TLL1: variants seen among roughly 807,000 people sequenced by gnomAD.
TLL1 encodes the protein tolloid-like protein 1.
Under a neutral mutation model 128.2 loss-of-function variants are expected in TLL1, and 49 were observed. The ratio of observed to expected loss-of-function variants is 0.38; its 90% CI spans 0.30 to 0.48. The LOEUF is 0.48. TLL1 is among the 20% of genes least tolerant of loss of function. The pLI is 0.96. For synonymous variants in TLL1, 454 were observed against 418.8 expected (o/e 1.08, Z -1.03); for missense variants, 1,123 against 1,242.0 (o/e 0.90, Z 1.44).
chr4:166,043,719 G>T (rs1727643919), intron 12 of TLL1, among the ~76,000 whole-genome samples: 1 of 152,090 alleles, frequency 6.6e-6, no homozygotes, highest in South Asian at 2.1e-4. Context: ...TTTCACAAGA[G>T]TGTCCATTAA....
intron 1 of TLL1, among the ~76,000 whole-genome samples, chr4:165,914,131 G>A (rs1039453839): frequency 1.3e-5 from 2 of 152,038 alleles, no homozygotes; most frequent in African/African-American, 4.8e-5. Flanking sequence ...CTCTTTTCAG[G>A]AACGCTTACC....
intron 7 of TLL1, among the ~76,000 whole-genome samples, chr4:166,012,264 G>A (rs536199230): frequency 4.6e-5 from 7 of 151,668 alleles, no homozygotes. Flanking sequence ...AGGAGGTTCA[G>A]TAAGATTTTG....
At chr4:166,062,993 T>C (rs1489357334) in intron 15 of TLL1, among the ~76,000 whole-genome samples, 4 of 152,196 alleles carry the variant, frequency 2.6e-5, no homozygotes, top group Non-Finnish European at 5.9e-5. Context: ...GTTTTTGTCT[T>C]TGGTTCTGTT....
intron 16 of TLL1, among the ~76,000 whole-genome samples, chr4:166,067,712 TC>T (rs1740631910): frequency 6.6e-6 from 1 of 151,808 alleles, no homozygotes; most frequent in Non-Finnish European, 1.5e-5. Flanking sequence ...ACAATAGTTT[TC>T]AAAGAGTCTA....
chr4:165,932,687 A>G (rs544290590), intron 1 of TLL1, among the ~76,000 whole-genome samples: 4 of 151,404 alleles, frequency 2.6e-5, no homozygotes, highest in African/African-American at 9.7e-5. Context: ...GTTATTGAAG[A>G]GATTTGGAAT....
intron 1 of TLL1, among the ~76,000 whole-genome samples, chr4:165,885,904 A>G (rs1188647033): frequency 6.6e-6 from 1 of 152,116 alleles, no homozygotes; most frequent in Non-Finnish European, 1.5e-5. Context: ...ATATTAATTA[A>G]TTACTTGAAT....
At chr4:165,971,923 T>C (rs1735644905) in intron 1 of TLL1, among the ~76,000 whole-genome samples, 1 of 152,256 alleles carries the variant, frequency 6.6e-6, no homozygotes. Context: ...CAGTGATCTG[T>C]TTTTTGTTGT....
chr4:166,065,913 G>C (rs1039385033), intron 16 of TLL1, 50 bp downstream of exon 16: 8 of 1,280,036 alleles, frequency 6.2e-6, no homozygotes, highest in Non-Finnish European at 8.1e-6. Context: ...TTCAATGTGG[G>C]TTGGATTAAA....
chr4:166,056,314 T>C (rs1740004833), intron 13 of TLL1, among the ~76,000 whole-genome samples: 1 of 152,000 alleles, frequency 6.6e-6, no homozygotes, highest in African/African-American at 2.4e-5. Context: ...TTACTATTTG[T>C]CTAACTCACA....
intron 18 of TLL1, among the ~76,000 whole-genome samples, chr4:166,087,603 C>A (rs1191892085): frequency 1.3e-5 from 2 of 152,092 alleles, no homozygotes; most frequent in Non-Finnish European, 2.9e-5. Context: ...TAAATGTTCA[C>A]CCTTGCTAAA....
At position 166,099,385 on chromosome 4, in the gene TLL1, T is replaced by C. The variant is rs758426774; in HGVS notation, c.2765T>C (p.Val922Ala). 1 of 1,613,614 alleles carries C rather than the reference T, an allele frequency of 6.2e-7. No individual in the cohort carries two copies. Among genetic ancestry groups the C allele is most frequent in the East Asian group, 2.2e-5 (1 of 44,824 alleles). The change falls in exon 20 of 21, where the codon GTA (valine) becomes GCA (alanine). Residue 922 changes from valine (V) to alanine (A), a missense_variant. Physicochemically the swap from Val to Ala is moderately conservative, Grantham distance 64 (BLOSUM62 0). Around this residue, in one of 3 missense-constraint regions of TLL1, gnomAD observed 634 missense variants for 672.4 expected, o/e 0.94. Coordinates refer to ENST00000061240, the MANE Select transcript of TLL1 (RefSeq NM_012464.5). ...PGQVDCEWLL[V>A]SERGSRLELS... ...CAGGTTGACTGTGAATGGCTATTAGTATCAGAACGGGGCTCTCGACTTGAA... is the reference window on the plus strand; with the variant it reads ...CAGGTTGACTGTGAATGGCTATTAGCATCAGAACGGGGCTCTCGACTTGAA...
intron 13 of TLL1, 62 bp downstream of exon 13, chr4:166,055,333 C>T (rs1371334988): frequency 2.0e-6 from 3 of 1,470,344 alleles, no homozygotes; most frequent in Non-Finnish European, 2.8e-6. Flanking sequence ...TAGTGTTTAG[C>T]TTTGATTTAG....
At chr4:165,991,684 C>G (rs900353006) in intron 2 of TLL1, among the ~76,000 whole-genome samples, 1 of 151,452 alleles carries the variant, frequency 6.6e-6, no homozygotes, top group African/African-American at 2.4e-5. Flanking sequence ...TAGCTTCAGT[C>G]TAGGTAATTA....
chr4:166,014,914 T>C (rs1036058140), intron 8 of TLL1, among the ~76,000 whole-genome samples: 5 of 152,018 alleles, frequency 3.3e-5, no homozygotes, highest in Non-Finnish European at 7.4e-5. Flanking sequence ...AAAAAGAATA[T>C]CCTTTATTTG....
At chr4:166,059,737 T>C (rs1226945380) in intron 14 of TLL1, among the ~76,000 whole-genome samples, 2 of 152,190 alleles carry the variant, frequency 1.3e-5, no homozygotes, top group East Asian at 3.9e-4. Context: ...AACTGAGACC[T>C]AGATTTTTAA....
At chr4:166,032,334 C>T (rs1458880041) in intron 9 of TLL1, among the ~76,000 whole-genome samples, 1 of 151,854 alleles carries the variant, frequency 6.6e-6, no homozygotes, top group Admixed American at 6.6e-5. Context: ...TTGTTTTGTA[C>T]CAGACCAAAT....
chr4:166,056,829 C>T (rs1169612813), intron 13 of TLL1, among the ~76,000 whole-genome samples: 3 of 152,128 alleles, frequency 2.0e-5, no homozygotes, highest in South Asian at 2.1e-4. Flanking sequence ...TGACAATGCT[C>T]AGTTAGCAGC....
At chr4:166,006,531 G>C (rs1430073824) in intron 6 of TLL1, among the ~76,000 whole-genome samples, 1 of 151,740 alleles carries the variant, frequency 6.6e-6, no homozygotes, top group Admixed American at 6.6e-5. Flanking sequence ...AGGTTAATAA[G>C]TATAAAATTA....
intron 1 of TLL1, among the ~76,000 whole-genome samples, chr4:165,937,005 C>G (rs1236573053): frequency 1.3e-5 from 2 of 151,976 alleles, no homozygotes; most frequent in African/African-American, 4.8e-5. Flanking sequence ...CTTTATTGTC[C>G]CTACTTTTAA....
Sources: gnomAD v4.1 joint callset for allele counts (sites outside exome capture counted in the v4.1 genomes callset) on GRCh38, gnomAD v4.1.1 for gene constraint, gnomAD v4.1.1 regional missense constraint, MANE v1.5 for transcripts, NCBI Gene and HGNC (gene_info 2026-07-23, HGNC 2026-07-21) for gene names.